Variants in EMC1 observed in about 807,000 individuals in gnomAD.
The protein encoded by EMC1 is KIAA0090.
In EMC1, 103 loss-of-function variants were observed where a neutral mutation model predicts 128.8. The ratio of observed to expected loss-of-function variants is 0.80; its 90% confidence interval spans 0.68 to 0.94. The LOEUF is 0.94. Ranked by LOEUF, EMC1 falls within the 40% of genes least tolerant of loss-of-function variation. EMC1 has a pLI of 0.00. For synonymous variants in EMC1, 442 were observed against 490.4 expected, an observed-to-expected ratio of 0.90 and a Z score of 1.30; for missense variants, 1,083 against 1,250.6, an observed-to-expected ratio of 0.87 and a Z score of 2.02.
At chr1:19,223,286 G>GCA in intron 19 of EMC1, 110 bp downstream of exon 19, 2 of 1,012,004 alleles carry the variant, frequency 2.0e-6, no homozygotes, top group South Asian at 3.1e-5. Context: ...CTGCCATCCA[G>GCA]GGAATTTGAG....
intron 1 of EMC1, among the ~76,000 whole-genome samples, chr1:19,248,498 C>T (rs2093641952): frequency 6.6e-6 from 1 of 152,328 alleles, no homozygotes; most frequent in East Asian, 1.9e-4. Context: ...CAACTCACTG[C>T]AACCTCCGTC....
Position 19,224,156 on chromosome 1 carries a change from T to G in EMC1, c.2203-587A>C, listed in dbSNP as rs958574425. Among the ~76,000 whole-genome samples the G allele has an allele frequency of 2.0e-4, 31 of 152,158 alleles. 1 individual carries two copies. Among genetic ancestry groups the G allele is most frequent in the Admixed American group, 6.5e-5 (1 of 15,284 alleles). Reference sequence around the variant, plus strand: ...AGTCTCTTTTGGAGGTTCTTCCACATCTCCCCAGTTTCTTCATGGTGGAAC... The same window carrying G: ...AGTCTCTTTTGGAGGTTCTTCCACAGCTCCCCAGTTTCTTCATGGTGGAAC... On this transcript the variant is annotated intron_variant, in intron 18 of 22. Transcript: ENST00000477853.
intron 3 of EMC1, 35 bp from the exon 4 acceptor site, chr1:19,243,742 C>T (rs1304153150): frequency 6.2e-7 from 1 of 1,606,212 alleles, no homozygotes; most frequent in Non-Finnish European, 8.5e-7. Flanking sequence ...AGTCATTTCC[C>T]ACTTGCTCTG....
rs370661581 is a variant in EMC1 at position 19,227,394 on chromosome 1, G to T, written c.2121C>A (p.Ile707=). Residue 707 remains isoleucine, a synonymous_variant, in exon 18 of 23, where the codon ATC becomes ATA. Transcript: ENST00000477853. ...ELTIPPEVQR[I]VKVKGKRSSE... is the part of the protein sequence containing the mutation. Reference sequence around the variant, plus strand: ...TGCTGCGTTTCCCCTTCACCTTGACGATCCGCTGTACTTCTGGGGGAATGG... The same window carrying T: ...TGCTGCGTTTCCCCTTCACCTTGACTATCCGCTGTACTTCTGGGGGAATGG... 6.2e-7 allele frequency: 1 copy of T among 1,614,178 alleles called. No homozygotes were observed. Among genetic ancestry groups the T allele is most frequent in the South Asian group, 1.1e-5 (1 of 91,092 alleles).
chr1:19,250,481 TA>T (rs2093653754), intron 1 of EMC1, among the ~76,000 whole-genome samples: 1 of 152,222 alleles, frequency 6.6e-6, no homozygotes, highest in Non-Finnish European at 1.5e-5. Context: ...TGCACATCAT[TA>T]AAAATGTAAC....
intron 5 of EMC1, among the ~76,000 whole-genome samples, chr1:19,241,787 G>A (rs1285672032): frequency 1.3e-5 from 2 of 152,162 alleles, no homozygotes; most frequent in East Asian, 1.9e-4. Context: ...GATTACAGGC[G>A]TGAGACACCA....
At chr1:19,245,625 T>C (rs1396552700) in intron 1 of EMC1, among the ~76,000 whole-genome samples, 2 of 117,502 alleles carry the variant, frequency 1.7e-5, no homozygotes, top group Non-Finnish European at 3.4e-5. Flanking sequence ...CACCTTACCT[T>C]TCTTTTTTTT....
chr1:19,244,141 A>G (rs2093620918), intron 2 of EMC1, 126 bp from the exon 3 acceptor site: 1 of 889,902 alleles, frequency 1.1e-6, no homozygotes. Flanking sequence ...GTGAAGGAGT[A>G]TAGCTAACTG....
chr1:19,237,884 T>C, intron 11 of EMC1, 133 bp downstream of exon 11: 1 of 1,144,674 alleles, frequency 8.7e-7, no homozygotes, highest in Non-Finnish European at 1.2e-6. Context: ...AACAAGTCAG[T>C]GGCTCAGAGA....
At chr1:19,237,956 G>C in intron 11 of EMC1, 61 bp downstream of exon 11, 2 of 1,584,984 alleles carry the variant, frequency 1.3e-6, no homozygotes, top group Non-Finnish European at 1.7e-6. Context: ...TGGCCCTGAG[G>C]AAAGGAAGCC....
chr1:19,225,056 A>G (rs2093461740), intron 18 of EMC1, among the ~76,000 whole-genome samples: 1 of 152,104 alleles, frequency 6.6e-6, no homozygotes. Context: ...TTCTCTATAG[A>G]ACTGGTCACT....
At position 19,240,280 on chromosome 1, in the gene EMC1, C is replaced by T; in HGVS notation, c.786+17G>A. On this transcript the variant is annotated intron_variant, in intron 7 of 22. Transcript: ENST00000477853. ...AGGAAATGCCTCAGGCCAGAAGAAG[C>T]AGTGGCAGCCTCTCACCTGCAGTGG... 1 of 1,614,040 alleles carries T rather than the reference C, an allele frequency of 6.2e-7. No homozygotes were observed. The highest frequency in any genetic ancestry group is 1.1e-5 in the South Asian group (1 of 91,068).
intron 12 of EMC1, 142 bp from the exon 13 acceptor site, chr1:19,235,394 C>T (rs1387911722): frequency 4.3e-5 from 34 of 797,192 alleles, no homozygotes; most frequent in Non-Finnish European, 6.3e-5. Context: ...AGGGCAAAAC[C>T]TTATCTCAAC....
Position 19,232,773 on chromosome 1 carries a change from G to A in EMC1, c.1633C>T (p.Leu545Phe), listed in dbSNP as rs572169151. Residue 545 changes from leucine (L) to phenylalanine (F), a missense_variant and splice_region_variant, in exon 15 of 23, where the codon CTT becomes TTT. Transcript: ENST00000477853. ...CCAGAGCTGCTCTCAATGCCAAAAA[G>A]CTGCAAGATAAACAAATACTTGGCT... is the stretch of plus-strand genomic sequence containing the variant. ...MMVMVTASGK[L>F]FGIESSSGTI... 1.2e-6 allele frequency: 2 copies of A among 1,614,060 alleles called. No individual in the cohort carries two copies. The highest frequency in any genetic ancestry group is 2.2e-5 in the East Asian group (1 of 44,890).
chr1:19,239,419 T>C, intron 8 of EMC1, 117 bp from the exon 9 acceptor site: 1 of 841,170 alleles, frequency 1.2e-6, no homozygotes, highest in East Asian at 2.5e-5. Context: ...GCTCCCCACT[T>C]TGGAGCAGAA....
intron 5 of EMC1, 145 bp downstream of exon 5, chr1:19,242,200 A>G (rs1572025343): frequency 2.5e-6 from 2 of 810,614 alleles, no homozygotes; most frequent in Non-Finnish European, 3.9e-6. Flanking sequence ...ACAGCCTTCA[A>G]GATATTCTGA....
In EMC1 at chr1:19,246,763, G is replaced by A. The variant is rs575234094; in HGVS notation, c.96-1733C>T. ...CCACTGTACTCCGGCGTGGGTGACA[G>A]AGCAAGACTCTGTCTCAAAACAATA... On this transcript the variant is annotated intron_variant, in intron 1 of 22. Coordinates refer to ENST00000477853, the MANE Select transcript of EMC1 (RefSeq NM_015047.3). Among the ~76,000 whole-genome samples the A allele has an allele frequency of 3.3e-5, 5 of 152,228 alleles. 1 individual carries two copies. The highest frequency in any genetic ancestry group is 1.2e-4 in the African/African-American group (5 of 41,518).
intron 10 of EMC1, 147 bp from the exon 11 acceptor site, chr1:19,238,286 G>A (rs1429391556): frequency 6.8e-6 from 6 of 878,286 alleles, no homozygotes; most frequent in African/African-American, 1.7e-5. Context: ...AAAGAGAAAA[G>A]CAAGCTAAAT....
At chr1:19,221,229 C>T (rs1283070161) in intron 20 of EMC1, 6 of 172,114 alleles carry the variant, frequency 3.5e-5, no homozygotes, top group Non-Finnish European at 6.3e-5. Flanking sequence ...CATGCAGCTG[C>T]GGTACAGTGG....
Sources: allele counts gnomAD v4.1 joint callset (sites outside exome capture counted in the v4.1 genomes callset), GRCh38; gene constraint gnomAD v4.1.1; transcripts MANE v1.5; gene names NCBI Gene and HGNC (gene_info 2026-07-23, HGNC 2026-07-21).